The following ADAMTS9 variants were observed in gnomAD, a reference collection of about 807,000 sequenced individuals.
ADAMTS9 encodes ADAM metallopeptidase with thrombospondin type 1 motif 9.
A neutral mutation model predicts 257.1 loss-of-function variants in ADAMTS9; 107 were observed. The observed-to-expected ratio is 0.42, with a 90% CI of 0.36 to 0.49. ADAMTS9 has a LOEUF of 0.49. ADAMTS9 is among the 20% of genes least tolerant of loss of function. The pLI, the probability that ADAMTS9 is intolerant of heterozygous loss-of-function variation, is 0.03. For missense variants in ADAMTS9, 2,353 were observed against 2,469.1 expected, an observed-to-expected ratio of 0.95 and a Z score of 1.00; for synonymous variants, 982 against 880.9, an observed-to-expected ratio of 1.11 and a Z score of -2.03.
At position 64,593,504 on chromosome 3, in the gene ADAMTS9, T is replaced by C. The variant is rs140754827; in HGVS notation, c.4356+754A>G. ...GGCACAACTCAGCCAAAGTATTGTTTTGACACAGCTGATGCTTCTGTTTGC... is the reference window on the plus strand; with the variant it reads ...GGCACAACTCAGCCAAAGTATTGTTCTGACACAGCTGATGCTTCTGTTTGC... On this transcript the variant is annotated intron_variant, in intron 28 of 39. Transcript: ENST00000498707. Among the ~76,000 whole-genome samples the C allele has an allele frequency of 1.6e-3, 237 of 152,354 alleles. 1 individual carries two copies. The highest frequency in any genetic ancestry group is 5.5e-3 in the African/African-American group (230 of 41,584).
intron 12 of ADAMTS9, among the ~76,000 whole-genome samples, chr3:64,636,568 C>G (rs1041944661): frequency 6.6e-6 from 1 of 152,184 alleles, no homozygotes; most frequent in African/African-American, 2.4e-5. Context: ...TTAGCTATTA[C>G]AAGATTTGGC....
At chr3:64,680,739 A>T (rs142173430) in intron 3 of ADAMTS9, among the ~76,000 whole-genome samples, 1 of 152,174 alleles carries the variant, frequency 6.6e-6, no homozygotes, top group South Asian at 2.1e-4. Context: ...CAACAAACAC[A>T]TATATGTTTT....
intron 28 of ADAMTS9, among the ~76,000 whole-genome samples, chr3:64,585,049 AT>A (rs1460257647): frequency 1.3e-5 from 2 of 152,144 alleles, no homozygotes; most frequent in African/African-American, 4.8e-5. Context: ...GAGCTCATTC[AT>A]TCATTTCAAC....
At chr3:64,683,592 G>C (rs1022569101) in intron 2 of ADAMTS9, among the ~76,000 whole-genome samples, 16 of 152,132 alleles carry the variant, frequency 1.1e-4, no homozygotes, top group Non-Finnish European at 1.5e-5. Context: ...TAATACATAT[G>C]TAAACTACTT....
At chr3:64,604,125 G>A (rs542869798) in intron 24 of ADAMTS9, 36 bp from the exon 25 acceptor site, 24 of 1,611,418 alleles carry the variant, frequency 1.5e-5, no homozygotes, top group Middle Eastern at 1.7e-4. Flanking sequence ...GTTATATTAC[G>A]TGGAATGGCT....
intron 16 of ADAMTS9, among the ~76,000 whole-genome samples, chr3:64,625,486 C>T (rs1700203052): frequency 6.6e-6 from 1 of 152,178 alleles, no homozygotes; most frequent in Non-Finnish European, 1.5e-5. Flanking sequence ...TGTGGTTCAG[C>T]AGCAGCAGGA....
intron 28 of ADAMTS9, among the ~76,000 whole-genome samples, chr3:64,579,510 T>C (rs1219872820): frequency 6.6e-6 from 1 of 152,232 alleles, no homozygotes; most frequent in Admixed American, 6.5e-5. Context: ...TTTGTTTTGT[T>C]TGTGATTCGT....
At position 64,541,125 on chromosome 3, in the gene ADAMTS9, T is replaced by A; in HGVS notation, c.5491A>T (p.Arg1831Ter). 1 of 1,614,164 alleles carries A rather than the reference T, an allele frequency of 6.2e-7. No individual in the cohort carries two copies. Among genetic ancestry groups the A allele is most frequent in the East Asian group, 2.2e-5 (1 of 44,886 alleles). ...AAGFSSFQKI[R>*]IDLTSMQIIT... ...ATCTGCATGCTGGTCAGGTCTATTCTGATTTTCTGAAAACTGGAAAACCCA... is the reference window on the plus strand; with the variant it reads ...ATCTGCATGCTGGTCAGGTCTATTCAGATTTTCTGAAAACTGGAAAACCCA... Residue 1831 changes from arginine to a stop codon, truncating the protein, a stop_gained, in exon 36 of 40, where the codon AGA becomes TGA. Transcript: ENST00000498707. LOFTEE classifies it high-confidence loss of function.
chr3:64,623,133 C>G (rs918329693), intron 16 of ADAMTS9, among the ~76,000 whole-genome samples: 1 of 149,372 alleles, frequency 6.7e-6, no homozygotes, highest in African/African-American at 2.5e-5. Flanking sequence ...TAGCCAGCCT[C>G]AAATATGGCC....
intron 8 of ADAMTS9, among the ~76,000 whole-genome samples, chr3:64,651,717 A>G (rs1700936037): frequency 6.6e-6 from 1 of 152,188 alleles, no homozygotes; most frequent in African/African-American, 2.4e-5. Flanking sequence ...TGTGCACAAT[A>G]AAACCCATGA....
At chr3:64,535,613 G>T (rs574494905) in intron 37 of ADAMTS9, among the ~76,000 whole-genome samples, 1 of 141,674 alleles carries the variant, frequency 7.1e-6, no homozygotes, top group African/African-American at 2.7e-5. Flanking sequence ...GAGTGCAGTC[G>T]CATAATTTTG....
intron 28 of ADAMTS9, among the ~76,000 whole-genome samples, chr3:64,581,620 C>T (rs941802512): frequency 2.6e-5 from 4 of 152,090 alleles, no homozygotes; most frequent in Non-Finnish European, 1.5e-5. Context: ...CCTAGAATTA[C>T]CGGTAAGATT....
intron 28 of ADAMTS9, among the ~76,000 whole-genome samples, chr3:64,574,098 G>A (rs374180976): frequency 4.6e-5 from 7 of 152,190 alleles, no homozygotes; most frequent in Admixed American, 1.3e-4. Context: ...TGTAAAGGCC[G>A]GAATGAAAGA....
Position 64,653,953 on chromosome 3 carries a change from G to T in ADAMTS9, c.1316+400C>A, listed in dbSNP as rs939370004. Among the ~76,000 whole-genome samples, 9 of 150,410 alleles carry T rather than the reference G, an allele frequency of 6.0e-5. No individual in the cohort carries two copies. The East Asian group carries it at 1.9e-3, about 32-fold the overall frequency. On this transcript the variant is annotated intron_variant, in intron 8 of 39. Coordinates refer to ENST00000498707, the MANE Select transcript of ADAMTS9 (RefSeq NM_182920.2). ...AATGGTCTGGATTTGTAAAAATCTT[G>T]GGGGCCACAGTAATGGTGGGGGACC...
chr3:64,649,004 G>A (rs13100394), intron 10 of ADAMTS9, among the ~76,000 whole-genome samples: 38,510 of 151,912 alleles, frequency 0.25, 6,002 homozygotes, highest in Non-Finnish European at 0.35. Context: ...ACACACATAC[G>A]CCACCCCAAA....
At chr3:64,612,874 CTAAT>C (rs763757018) in intron 22 of ADAMTS9, among the ~76,000 whole-genome samples, 3 of 152,076 alleles carry the variant, frequency 2.0e-5, no homozygotes, top group African/African-American at 7.2e-5. Flanking sequence ...AACCTTTGAT[CTAAT>C]TAATTATGTT....
At chr3:64,567,934 G>C (rs1183176764) in intron 29 of ADAMTS9, among the ~76,000 whole-genome samples, 2 of 152,156 alleles carry the variant, frequency 1.3e-5, no homozygotes, top group Non-Finnish European at 2.9e-5. Context: ...AATGGGCAGA[G>C]GTATTTTCTA....
chr3:64,681,955 A>G (rs1034366662), intron 2 of ADAMTS9, among the ~76,000 whole-genome samples: 1 of 152,152 alleles, frequency 6.6e-6, no homozygotes, highest in Non-Finnish European at 1.5e-5. Context: ...ACAAGTATGC[A>G]CTCCAGCAGG....
At chr3:64,684,180 T>C (rs1338186829) in intron 2 of ADAMTS9, among the ~76,000 whole-genome samples, 3 of 152,060 alleles carry the variant, frequency 2.0e-5, no homozygotes, top group Admixed American at 6.6e-5. Flanking sequence ...TGTGAGTGAG[T>C]GCACTGTAAA....
Sources: gnomAD v4.1 joint callset for allele counts (sites outside exome capture counted in the v4.1 genomes callset) on GRCh38, gnomAD v4.1.1 for gene constraint, MANE v1.5 for transcripts, NCBI Gene and HGNC (gene_info 2026-07-23, HGNC 2026-07-21) for gene names.